The following NBEA variants were observed in gnomAD, a reference collection of about 807,000 sequenced individuals.
NBEA encodes neurobeachin, also known as lysosomal-trafficking regulator 2.
A neutral mutation model predicts 343.4 loss-of-function variants in NBEA; 44 were observed. The observed-to-expected ratio is 0.13, with a 90% CI of 0.10 to 0.16. The LOEUF (loss-of-function observed/expected upper bound fraction) is 0.16. Among genes scored for constraint, NBEA ranks in the 10% least tolerant of loss-of-function variants. The pLI is 1.00. For synonymous variants in NBEA, 1,175 were observed against 1,238.7 expected, an observed-to-expected ratio of 0.95 and a Z score of 1.08; for missense variants, 2,555 against 3,631.3, an observed-to-expected ratio of 0.70 and a Z score of 7.62.
intron 13 of NBEA, among the ~76,000 whole-genome samples, chr13:35,113,586 C>CATCTATCTATCTATCTATCTATCT (rs71078081): frequency 6.8e-6 from 1 of 146,694 alleles, no homozygotes; most frequent in Non-Finnish European, 1.5e-5. Flanking sequence ...CTCCTCCACT[C>CATCTATCTATCTATCTATCTATCT]ATCTATCTAT....
intron 38 of NBEA, among the ~76,000 whole-genome samples, chr13:35,411,787 C>T (rs888084725): frequency 5.3e-5 from 8 of 151,972 alleles, no homozygotes; most frequent in East Asian, 1.9e-4. Flanking sequence ...CATGAGCCAC[C>T]ACATTTGGCT....
intron 8 of NBEA, among the ~76,000 whole-genome samples, chr13:35,063,157 CTAAA>C (rs2063525056): frequency 6.6e-6 from 1 of 151,954 alleles, no homozygotes; most frequent in Non-Finnish European, 1.5e-5. Context: ...ATAAGGTACA[CTAAA>C]TACAAATAAT....
chr13:35,317,636 G>A (rs952571683), intron 36 of NBEA, among the ~76,000 whole-genome samples: 2 of 152,132 alleles, frequency 1.3e-5, no homozygotes, highest in East Asian at 1.9e-4. Flanking sequence ...TTCTAATTAT[G>A]TGAAGAAAGT....
intron 47 of NBEA, among the ~76,000 whole-genome samples, chr13:35,602,228 CT>C (rs2082086104): frequency 6.6e-6 from 1 of 152,230 alleles, no homozygotes; most frequent in Admixed American, 6.5e-5. Context: ...AACAACAAAT[CT>C]TTTCAATAAT....
intron 33 of NBEA, among the ~76,000 whole-genome samples, chr13:35,225,763 T>C (rs1482958244): frequency 2.6e-5 from 4 of 152,138 alleles, no homozygotes; most frequent in Non-Finnish European, 5.9e-5. Flanking sequence ...GGTTAGCAAG[T>C]TCATGCATCC....
intron 10 of NBEA, among the ~76,000 whole-genome samples, chr13:35,082,564 T>C (rs955328123): frequency 6.6e-6 from 1 of 152,174 alleles, no homozygotes; most frequent in Admixed American, 6.6e-5. Flanking sequence ...TTTCTCCACA[T>C]CTTCTGCAGC....
intron 1 of NBEA, among the ~76,000 whole-genome samples, chr13:35,022,598 A>G (rs2061883201): frequency 6.6e-6 from 1 of 152,110 alleles, no homozygotes; most frequent in Admixed American, 6.5e-5. Context: ...CATTTATTAT[A>G]CATGTTGATG....
At chr13:35,515,981 T>C (rs2077472680) in intron 41 of NBEA, among the ~76,000 whole-genome samples, 1 of 152,202 alleles carries the variant, frequency 6.6e-6, no homozygotes, top group Non-Finnish European at 1.5e-5. Context: ...ACACAGGTGT[T>C]TTGCTGTAAT....
chr13:35,000,593 AACAC>A (rs58091499), intron 1 of NBEA, among the ~76,000 whole-genome samples: 5 of 147,758 alleles, frequency 3.4e-5, no homozygotes, highest in South Asian at 2.1e-4. Context: ...TAATATATAT[AACAC>A]ACACACACAC....
chr13:35,534,357 C>G (rs952760774), intron 41 of NBEA, among the ~76,000 whole-genome samples: 1 of 152,206 alleles, frequency 6.6e-6, no homozygotes, highest in Admixed American at 6.5e-5. Context: ...CAGACTTCCT[C>G]TACTTCCTAC....
intron 47 of NBEA, among the ~76,000 whole-genome samples, chr13:35,606,179 T>C (rs2082273773): frequency 6.6e-6 from 1 of 152,102 alleles, no homozygotes; most frequent in Non-Finnish European, 1.5e-5. Flanking sequence ...GAGGATAAGA[T>C]TGAAAATAGG....
intron 36 of NBEA, among the ~76,000 whole-genome samples, chr13:35,329,648 G>A (rs2152846993): frequency 6.6e-6 from 1 of 151,978 alleles, no homozygotes; most frequent in East Asian, 1.9e-4. Flanking sequence ...AAAATTATAG[G>A]GACAGAAAAC....
chr13:35,592,470 C>G (rs2081581482), intron 46 of NBEA, among the ~76,000 whole-genome samples: 1 of 152,092 alleles, frequency 6.6e-6, no homozygotes, highest in South Asian at 2.1e-4. Flanking sequence ...ACACAGATTG[C>G]TATTTGAGCA....
At chr13:35,587,077 C>G (rs1047379647) in intron 46 of NBEA, among the ~76,000 whole-genome samples, 2 of 152,112 alleles carry the variant, frequency 1.3e-5, no homozygotes, top group African/African-American at 4.8e-5. Context: ...AAAACCAAAA[C>G]TACATTCTCA....
At chr13:35,533,979 A>G (rs972724113) in intron 41 of NBEA, among the ~76,000 whole-genome samples, 1 of 152,168 alleles carries the variant, frequency 6.6e-6, no homozygotes, top group Non-Finnish European at 1.5e-5. Context: ...ATAACACTAG[A>G]TATTTTAATT....
At chr13:35,047,201 T>TTG (rs139134555) in intron 4 of NBEA, among the ~76,000 whole-genome samples, 10,617 of 148,014 alleles carry the variant, frequency 0.072, 459 homozygotes, top group East Asian at 0.19. Context: ...TCATTTGAAA[T>TTG]TGTGTGTGTG....
intron 11 of NBEA, among the ~76,000 whole-genome samples, chr13:35,099,208 T>TC (rs1173982848): frequency 2.0e-5 from 3 of 148,530 alleles, no homozygotes; most frequent in African/African-American, 7.4e-5. Context: ...GTTTTTTTTT[T>TC]TTTTTTTTGA....
chr13:35,047,086 A>T (rs1048233459), intron 4 of NBEA, among the ~76,000 whole-genome samples: 19 of 152,112 alleles, frequency 1.2e-4, no homozygotes, highest in African/African-American at 4.1e-4. Context: ...TAAAAGTTAT[A>T]TATTATTTGA....
At chr13:35,669,406 A>G (rs1379543457) in intron 58 of NBEA, among the ~76,000 whole-genome samples, 2 of 152,246 alleles carry the variant, frequency 1.3e-5, no homozygotes, top group African/African-American at 4.8e-5. Flanking sequence ...AATATTTTAA[A>G]TATTAAGACA....
Sources: gnomAD v4.1 joint callset for allele counts (sites outside exome capture counted in the v4.1 genomes callset) on GRCh38, gnomAD v4.1.1 for gene constraint, MANE v1.5 for transcripts, NCBI Gene and HGNC (gene_info 2026-07-23, HGNC 2026-07-21) for gene names.